Variants in IP6K2 observed in about 807,000 individuals in gnomAD.
IP6K2 encodes the protein ATP:1D-myo-inositol-hexakisphosphate phosphotransferase.
In IP6K2, 9 loss-of-function variants were observed where a neutral mutation model predicts 43.3. The observed-to-expected ratio is 0.21, with a 90% confidence interval of 0.13 to 0.36. The LOEUF (loss-of-function observed/expected upper bound fraction) is 0.36. Among genes scored for constraint, IP6K2 ranks in the 10% least tolerant of loss-of-function variants. The pLI, the probability that IP6K2 is intolerant of heterozygous loss-of-function variation, is 1.00. For missense variants in IP6K2, 332 were observed against 538.4 expected (o/e 0.62, Z 3.79); for synonymous variants, 209 against 202.4 (o/e 1.03, Z -0.28).
intron 2 of IP6K2, chr3:48,694,081 G>A (rs2078034432): frequency 6.8e-7 from 1 of 1,469,316 alleles, no homozygotes; most frequent in Admixed American, 2.7e-5. Flanking sequence ...GGGAATGCGT[G>A]CTCAGAGAGA....
intron 2 of IP6K2, chr3:48,694,024 T>TATCATTAAAACA: frequency 7.1e-7 from 1 of 1,404,746 alleles, no homozygotes; most frequent in Non-Finnish European, 9.3e-7. Context: ...CTCCCAGGCC[T>TATCATTAAAACA]CTCTGCCCCA....
chr3:48,696,207 G>T (rs1429409944), intron 1 of IP6K2, among the ~76,000 whole-genome samples: 1 of 151,870 alleles, frequency 6.6e-6, no homozygotes, highest in Non-Finnish European at 1.5e-5. Context: ...TTTATAAAAT[G>T]CATTTAAATA....
intron 2 of IP6K2, chr3:48,693,620 G>C (rs972312400): frequency 1.7e-6 from 2 of 1,146,034 alleles, no homozygotes; most frequent in Middle Eastern, 4.0e-4. Context: ...ACACAGGTTT[G>C]CCTGAGGGTT....
intron 1 of IP6K2, among the ~76,000 whole-genome samples, chr3:48,702,798 A>G (rs959949815): frequency 1.3e-5 from 2 of 152,218 alleles, no homozygotes; most frequent in African/African-American, 4.8e-5. Flanking sequence ...CCATAAGGTC[A>G]GATTTTTGAC....
In IP6K2 at chr3:48,688,881, G is replaced by A. The variant is rs1237546292; in HGVS notation, c.781-108C>T. 1.7e-6 allele frequency: 2 copies of A among 1,188,268 alleles called. No homozygotes were observed. The highest frequency in any genetic ancestry group is 2.4e-6 in the Non-Finnish European group (2 of 850,172). The allele number at this position is 1,188,268 out of a possible 1,614,324, so 73.6% of individuals were successfully genotyped here. On this transcript the variant is annotated intron_variant, in intron 5 of 5. Coordinates refer to ENST00000328631, the MANE Select transcript of IP6K2 (RefSeq NM_016291.4). The surrounding 1 kb of genome is among the most constrained non-coding windows in gnomAD (Gnocchi z 5.1). ...TGGCGGCATGTGACAGCCCAGATCA[G>A]ATAAAGTACACCAGTTGCACATGAG...
intron 1 of IP6K2, among the ~76,000 whole-genome samples, chr3:48,712,561 A>T (rs2080673883): frequency 1.3e-5 from 2 of 151,974 alleles, no homozygotes; most frequent in South Asian, 4.2e-4. Flanking sequence ...TAAAATTTTT[A>T]AAATGAGCTG....
intron 2 of IP6K2, chr3:48,693,421 G>A (rs2077976682): frequency 1.5e-6 from 2 of 1,357,964 alleles, no homozygotes; most frequent in South Asian, 2.6e-5. Context: ...ACTCAACGAG[G>A]CAAGAGCCAA....
At chr3:48,691,261 T>C in intron 4 of IP6K2, 46 bp downstream of exon 4, 2 of 1,506,604 alleles carry the variant, frequency 1.3e-6, no homozygotes, top group South Asian at 1.2e-5. Flanking sequence ...CCTCATTTCC[T>C]CTCCTCTTAC....
intron 2 of IP6K2, 39 bp from the exon 3 acceptor site, chr3:48,693,218 G>T: frequency 6.7e-7 from 1 of 1,494,860 alleles, no homozygotes; most frequent in Non-Finnish European, 9.3e-7. Context: ...TTTTAATTTA[G>T]CAGGAAGAAG....
chr3:48,695,488 C>A lies in IP6K2; in HGVS notation c.-130-67G>T. On this transcript the variant is annotated intron_variant, in intron 1 of 5. Coordinates refer to ENST00000328631, the MANE Select transcript of IP6K2 (RefSeq NM_016291.4). This position sits in a 1 kb window ranked among gnomAD's most constrained non-coding sequence, Gnocchi z 4.6. Reference sequence around the variant, plus strand: ...GTGGGAAGTGCCTTAGAGCTGCTCACCCTGCTCCTTCAGCAGAAAGACAAA... The same window carrying A: ...GTGGGAAGTGCCTTAGAGCTGCTCAACCTGCTCCTTCAGCAGAAAGACAAA... 2 of 1,307,400 alleles carry A rather than the reference C, an allele frequency of 1.5e-6. No individual in the cohort carries two copies. Among genetic ancestry groups the A allele is most frequent in the South Asian group, 5.3e-5 (2 of 37,926 alleles). 81.0% of individuals were successfully genotyped at this position (1,307,400 alleles called of 1,614,324 possible).
At chr3:48,693,726 C>G in intron 2 of IP6K2, 5 of 1,044,792 alleles carry the variant, frequency 4.8e-6, no homozygotes, top group Non-Finnish European at 5.8e-6. Flanking sequence ...CTAGCAAAGG[C>G]TTCCCACAGT....
chr3:48,713,451 A>C (rs889531190), intron 1 of IP6K2, among the ~76,000 whole-genome samples: 13 of 152,232 alleles, frequency 8.5e-5, no homozygotes, highest in Admixed American at 7.9e-4. Flanking sequence ...ACAAACCCAG[A>C]CTTAGGAGAT....
At chr3:48,694,803 G>A (rs562184464) in intron 2 of IP6K2, 1 of 1,535,998 alleles carries the variant, frequency 6.5e-7, no homozygotes, top group African/African-American at 1.4e-5. Flanking sequence ...GGGGACTATG[G>A]GTTACTGTGA....
At chr3:48,714,915 G>C (rs1260032311) in intron 1 of IP6K2, among the ~76,000 whole-genome samples, 1 of 151,444 alleles carries the variant, frequency 6.6e-6, no homozygotes, top group Non-Finnish European at 1.5e-5. Flanking sequence ...AACAAGATTG[G>C]CCAGGAATTA....
intron 1 of IP6K2, among the ~76,000 whole-genome samples, chr3:48,708,918 A>G (rs1218208173): frequency 6.6e-6 from 1 of 152,146 alleles, no homozygotes; most frequent in Non-Finnish European, 1.5e-5. Flanking sequence ...ACAAAAAATA[A>G]CCAGCCAGGT....
intron 1 of IP6K2, among the ~76,000 whole-genome samples, chr3:48,713,716 G>A (rs1312553813): frequency 6.6e-6 from 1 of 151,020 alleles, no homozygotes; most frequent in East Asian, 2.0e-4. Flanking sequence ...CCAGCTACTC[G>A]GGAGGCTGAG....
intron 4 of IP6K2, among the ~76,000 whole-genome samples, chr3:48,690,347 GATA>G (rs1325222857): frequency 1.1e-4 from 16 of 152,212 alleles, no homozygotes; most frequent in African/African-American, 3.9e-4. Context: ...CCAAAAAATA[GATA>G]AAAGGCTAGG....
Position 48,691,346 on chromosome 3 carries a change from G to T in IP6K2, c.565C>A (p.Gln189Lys), listed in dbSNP as rs779710911. ...WSMKCHQQQLQRMKENAKHRN... is the reference protein window; with the variant it reads ...WSMKCHQQQLKRMKENAKHRN... ...TGCTTTGCATTCTCCTTCATTCTCT[G>T]TAACTGTTGCTGGTGACATTTCATG... Residue 189 changes from glutamine (Q) to lysine (K), a missense_variant, in exon 4 of 6, where the codon CAG (glutamine) becomes AAG (lysine). Physicochemically the swap from Gln to Lys is moderately conservative, Grantham distance 53. Coordinates refer to ENST00000328631, the MANE Select transcript of IP6K2 (RefSeq NM_016291.4). 2.5e-6 allele frequency: 4 copies of T among 1,614,002 alleles called. No individual in the cohort carries two copies. Among genetic ancestry groups the T allele is most frequent in the East Asian group, 4.5e-5 (2 of 44,890 alleles).
At position 48,688,639 on chromosome 3, in the gene IP6K2, G is replaced by C; in HGVS notation, c.915C>G (p.Gly305=). 1 of 1,614,222 alleles carries C rather than the reference G, an allele frequency of 6.2e-7. No homozygotes were observed. ...NGRYLRRELL[G]PVLKKLTELK... is the part of the protein sequence containing the mutation. Reference sequence around the variant, plus strand: ...GCTCAGTCAGCTTCTTGAGCACAGGGCCCAGGAGTTCACGGCGCAGGTACC... The same window carrying C: ...GCTCAGTCAGCTTCTTGAGCACAGGCCCCAGGAGTTCACGGCGCAGGTACC... Residue 305 remains glycine (G), a synonymous_variant, in exon 6 of 6, where the codon GGC becomes GGG. Transcript: ENST00000328631. This position sits in a 1 kb window ranked among gnomAD's most constrained non-coding sequence, Gnocchi z 5.1.
Sources: allele counts gnomAD v4.1 joint callset (sites outside exome capture counted in the v4.1 genomes callset), GRCh38; gene constraint gnomAD v4.1.1; non-coding constraint Gnocchi (gnomAD v3.1); transcripts MANE v1.5; gene names NCBI Gene and HGNC (gene_info 2026-07-23, HGNC 2026-07-21).